The following RUNX1 variants were observed in gnomAD, a reference collection of about 807,000 sequenced individuals.
RUNX1 encodes the protein RUNX family transcription factor 1.
RUNX1 carries 19 observed loss-of-function variants against 42.8 expected under a neutral mutation model. The observed-to-expected ratio is 0.44, with a 90% CI of 0.31 to 0.65. RUNX1 has a LOEUF of 0.65. RUNX1 is among the 30% of genes least tolerant of loss of function. RUNX1 has a pLI of 0.07. For synonymous variants in RUNX1, 271 were observed against 289.4 expected (o/e 0.94, Z 0.64); for missense variants, 528 against 672.0 (o/e 0.79, Z 2.37).
intron 7 of RUNX1, among the ~76,000 whole-genome samples, chr21:34,815,469 C>T (rs2056812854): frequency 6.6e-6 from 1 of 152,186 alleles, no homozygotes; most frequent in African/African-American, 2.4e-5. Flanking sequence ...GTTGGGGGTC[C>T]TGAAGCCCCC....
chr21:34,790,214 A>C lies in RUNX1; in HGVS notation c.*1921T>G. Reference sequence around the variant, plus strand: ...ACCAAAGTGCTACTGCATGTGTGTAAAACAAATAATCAATATATATATAAG... The same window carrying C: ...ACCAAAGTGCTACTGCATGTGTGTACAACAAATAATCAATATATATATAAG... On this transcript the variant is annotated 3_prime_UTR_variant, in exon 9 of 9. Coordinates refer to ENST00000675419, the MANE Select transcript of RUNX1 (RefSeq NM_001754.5). 1 of 233,380 alleles carries C rather than the reference A, an allele frequency of 4.3e-6. No individual in the cohort carries two copies. Among genetic ancestry groups the C allele is most frequent in the Non-Finnish European group, 8.5e-6 (1 of 117,912 alleles). The allele number at this position is 233,380 out of a possible 1,614,324, so 14.5% of individuals were successfully genotyped here.
chr21:34,940,698 C>T (rs777220106), intron 2 of RUNX1, among the ~76,000 whole-genome samples: 17 of 152,220 alleles, frequency 1.1e-4, no homozygotes, highest in Non-Finnish European at 2.2e-4. Flanking sequence ...TCTCCCCTAA[C>T]CAGTTCCACT....
rs532328865 is a variant in RUNX1, at chr21:34,915,099, C to T, written c.59-22136G>A. 9.2e-5 allele frequency among the ~76,000 whole-genome samples: 14 copies of T among 152,210 alleles called. No homozygotes were observed. In the South Asian group the frequency reaches 1.7e-3, roughly 18 times the overall value. On this transcript the variant is annotated intron_variant, in intron 2 of 8. Transcript: ENST00000675419. ...GACTAAATGAGATATTCAACGAGAC[C>T]GCTTTTAGACTTTGTTTACCCTAGC... is the stretch of plus-strand genomic sequence containing the variant.
chr21:34,817,052 G>C (rs2056836527), intron 7 of RUNX1, among the ~76,000 whole-genome samples: 1 of 152,174 alleles, frequency 6.6e-6, no homozygotes, highest in African/African-American at 2.4e-5. Flanking sequence ...GACATATTCA[G>C]ACAGGTTCTA....
intron 2 of RUNX1, among the ~76,000 whole-genome samples, chr21:35,001,957 C>T (rs1195167221): frequency 6.6e-6 from 1 of 151,992 alleles, no homozygotes; most frequent in Non-Finnish European, 1.5e-5. Flanking sequence ...GACTCATATA[C>T]TGAAAACCAC....
intron 8 of RUNX1, 42 bp downstream of exon 8, chr21:34,799,259 A>G: frequency 6.2e-7 from 1 of 1,611,090 alleles, no homozygotes; most frequent in Non-Finnish European, 8.5e-7. Context: ...TGGACCTTCC[A>G]CCCCAGCTCA....
rs147645145 is a variant in RUNX1 at position 34,986,327 on chromosome 21, G to T, written c.58+62515C>A. ...GTTTCCTCAAACCTGAAAGTTGAAA[G>T]GTCAAGATTCAACATCATGCACCAA... On this transcript the variant is annotated intron_variant, in intron 2 of 8. Coordinates refer to ENST00000675419, the MANE Select transcript of RUNX1 (RefSeq NM_001754.5). Among the ~76,000 whole-genome samples the T allele has an allele frequency of 1.1e-3, 168 of 151,986 alleles. 1 individual carries two copies. The highest frequency in any genetic ancestry group is 3.8e-3 in the African/African-American group (156 of 41,412).
At position 34,886,974 on chromosome 21, in the gene RUNX1, C is replaced by G. The variant is rs1435268371; in HGVS notation, c.220G>C (p.Gly74Arg). 4.3e-6 allele frequency: 7 copies of G among 1,609,822 alleles called. No individual in the cohort carries two copies. Among genetic ancestry groups the G allele is most frequent in the African/African-American group, 1.3e-5 (1 of 74,864 alleles). The change falls in exon 4 of 9, where the codon GGC (glycine) becomes CGC (arginine). Residue 74 changes from glycine to arginine, a missense_variant. Physicochemically the swap from Gly to Arg is moderately radical, Grantham distance 125. Coordinates refer to ENST00000675419, the MANE Select transcript of RUNX1 (RefSeq NM_001754.5). The part of the protein sequence containing the change: ...GAALAGKLRS[G>R]DRSMVEVLAD... Reference sequence around the variant, plus strand: ...AGCACCTCCACCATGCTGCGGTCGCCGCTCCTCAGCTTGCCGGCCAGGGCA... The same window carrying G: ...AGCACCTCCACCATGCTGCGGTCGCGGCTCCTCAGCTTGCCGGCCAGGGCA...
intron 2 of RUNX1, among the ~76,000 whole-genome samples, chr21:34,918,167 A>C (rs2058326710): frequency 6.7e-6 from 1 of 148,444 alleles, no homozygotes; most frequent in South Asian, 2.1e-4. Context: ...GCTTTTACCC[A>C]AGTGATGATG....
intron 2 of RUNX1, among the ~76,000 whole-genome samples, chr21:35,029,170 T>G (rs938290229): frequency 2.6e-5 from 4 of 152,146 alleles, no homozygotes; most frequent in African/African-American, 9.7e-5. Context: ...CCTTTCTGCC[T>G]GATGGGTTGT....
intron 6 of RUNX1, among the ~76,000 whole-genome samples, chr21:34,859,057 G>A (rs116525991): frequency 0.014 from 2,056 of 152,278 alleles, 43 homozygotes; most frequent in African/African-American, 0.047. Context: ...TTAATAAAAG[G>A]CCAGCATAGA....
chr21:34,848,054 TTAA>T (rs1302546446), intron 6 of RUNX1, among the ~76,000 whole-genome samples: 3 of 152,248 alleles, frequency 2.0e-5, no homozygotes, highest in Non-Finnish European at 2.9e-5. Flanking sequence ...AGCATGTGCT[TTAA>T]TAATAGCAGC....
chr21:34,818,434 TC>T (rs915843216), intron 7 of RUNX1, among the ~76,000 whole-genome samples: 9 of 152,094 alleles, frequency 5.9e-5, no homozygotes, highest in African/African-American at 2.2e-4. Context: ...ATTTCCCGTC[TC>T]CCCTTGGCTT....
rs147517308 is a variant in RUNX1, at chr21:35,012,794, G to A, written c.58+36048C>T. Among the ~76,000 whole-genome samples the A allele has an allele frequency of 2.9e-3, 441 of 152,044 alleles. 9 individuals carry two copies. The highest frequency in any genetic ancestry group is 0.026 in the Admixed American group (395 of 15,280). On this transcript the variant is annotated intron_variant, in intron 2 of 8. Transcript: ENST00000675419. ...GGTAAAGAGAAAGGAAAGTGTTCTC[G>A]GTGAAAACCCTTTAGATACTCTAAA...
chr21:34,934,131 A>G (rs1428343121), intron 2 of RUNX1, among the ~76,000 whole-genome samples: 2 of 152,138 alleles, frequency 1.3e-5, no homozygotes, highest in Non-Finnish European at 2.9e-5. Context: ...CTGAGAGAGC[A>G]AAGGCTTAGC....
intron 2 of RUNX1, among the ~76,000 whole-genome samples, chr21:34,896,014 G>C (rs1379212587): frequency 6.6e-6 from 1 of 150,776 alleles, no homozygotes; most frequent in Non-Finnish European, 1.5e-5. Flanking sequence ...GAGGGAGGGG[G>C]AGGAGTCTCC....
At chr21:34,832,173 A>C (rs1197216729) in intron 7 of RUNX1, among the ~76,000 whole-genome samples, 2 of 152,226 alleles carry the variant, frequency 1.3e-5, no homozygotes, top group Non-Finnish European at 2.9e-5. Flanking sequence ...CTTAGTGTTA[A>C]ACCTGATACT....
chr21:34,849,372 A>AG (rs2057374806), intron 6 of RUNX1, among the ~76,000 whole-genome samples: 1 of 41,544 alleles, frequency 2.4e-5, no homozygotes, highest in African/African-American at 8.9e-5. Flanking sequence ...TATTATATAT[A>AG]CTATATACAT....
intron 6 of RUNX1, among the ~76,000 whole-genome samples, chr21:34,851,540 CT>C (rs2057418698): frequency 6.6e-6 from 1 of 152,144 alleles, no homozygotes; most frequent in African/African-American, 2.4e-5. Flanking sequence ...ATCCAGAAAA[CT>C]TTTTACATGT....
Sources: gnomAD v4.1 joint callset for allele counts (sites outside exome capture counted in the v4.1 genomes callset) on GRCh38, gnomAD v4.1.1 for gene constraint, MANE v1.5 for transcripts, NCBI Gene and HGNC (gene_info 2026-07-23, HGNC 2026-07-21) for gene names.